Variants in TMEM132D observed in about 807,000 individuals in gnomAD.
TMEM132D encodes mature OL transmembrane protein.
In TMEM132D, 21 loss-of-function variants were observed where a neutral mutation model predicts 62.3. The observed-to-expected ratio is 0.34, with a 90% CI of 0.24 to 0.49. The LOEUF is 0.49. Among genes scored for constraint, TMEM132D ranks in the 20% least tolerant of loss-of-function variants. The pLI, the probability that TMEM132D is intolerant of heterozygous loss-of-function variation, is 0.99. For missense variants in TMEM132D, 1,346 were observed against 1,402.8 expected, an observed-to-expected ratio of 0.96 and a Z score of 0.65; for synonymous variants, 621 against 575.6, an observed-to-expected ratio of 1.08 and a Z score of -1.13.
intron 5 of TMEM132D, among the ~76,000 whole-genome samples, chr12:129,135,682 T>A (rs1211924922): frequency 6.6e-6 from 1 of 151,998 alleles, no homozygotes; most frequent in African/African-American, 2.4e-5. Context: ...GTTGTGAAGG[T>A]CTAGAATTAT....
At position 129,269,106 on chromosome 12, in the gene TMEM132D, A is replaced by C. The variant is rs572057393; in HGVS notation, c.1300-59443T>G. On this transcript the variant is annotated intron_variant, in intron 4 of 8. Transcript: ENST00000422113. The stretch of plus-strand genomic sequence containing the variant: ...AATGGGTGCAGCACACCAACATGGC[A>C]CATGTGTACATATGTAACAGACCTG... Among the ~76,000 whole-genome samples the C allele has an allele frequency of 2.8e-4, 43 of 152,126 alleles. No homozygotes were observed. In the East Asian group the frequency reaches 6.4e-3, roughly 23 times the overall value.
At chr12:129,884,424 A>C (rs1214767549) in intron 1 of TMEM132D, among the ~76,000 whole-genome samples, 1 of 152,226 alleles carries the variant, frequency 6.6e-6, no homozygotes, top group Non-Finnish European at 1.5e-5. Flanking sequence ...AGCCACCCAA[A>C]TTATTTGGCC....
Position 129,197,915 on chromosome 12 carries a change from A to G in TMEM132D, c.1443+11605T>C, listed in dbSNP as rs572092874. Among the ~76,000 whole-genome samples the G allele has an allele frequency of 5.3e-5, 8 of 152,378 alleles. No individual in the cohort carries two copies. The East Asian group carries it at 1.5e-3, about 29-fold the overall frequency. On this transcript the variant is annotated intron_variant, in intron 5 of 8. Coordinates refer to ENST00000422113, the MANE Select transcript of TMEM132D (RefSeq NM_133448.3). ...CAATAAGGGTTAACATCTAAAATAT[A>G]TAAGAAATTCAAACAACTCAATAGT...
intron 2 of TMEM132D, among the ~76,000 whole-genome samples, chr12:129,654,889 T>C (rs910134800): frequency 4.6e-5 from 7 of 152,282 alleles, no homozygotes; most frequent in Admixed American, 3.9e-4. Flanking sequence ...CGAACACATT[T>C]TCATCCAAAA....
At chr12:129,168,257 T>A (rs1877621008) in intron 5 of TMEM132D, among the ~76,000 whole-genome samples, 1 of 152,298 alleles carries the variant, frequency 6.6e-6, no homozygotes, top group Non-Finnish European at 1.5e-5. Flanking sequence ...TGGGATTTTT[T>A]TTTTACCAAC....
intron 3 of TMEM132D, among the ~76,000 whole-genome samples, chr12:129,359,503 T>C (rs754283015): frequency 1.3e-5 from 2 of 152,236 alleles, no homozygotes; most frequent in Non-Finnish European, 2.9e-5. Context: ...AGCTTGTTTA[T>C]GCGCAGTTCC....
At chr12:129,456,251 G>A (rs1362711140) in intron 3 of TMEM132D, among the ~76,000 whole-genome samples, 8 of 152,142 alleles carry the variant, frequency 5.3e-5, no homozygotes, top group African/African-American at 1.7e-4. Flanking sequence ...TCACCAATAA[G>A]AGAGTATATG....
intron 5 of TMEM132D, among the ~76,000 whole-genome samples, chr12:129,089,479 GGGTGTCCTCCATGACC>G (rs770590569): frequency 1.9e-4 from 6 of 31,396 alleles, no homozygotes; most frequent in African/African-American, 4.5e-4. Flanking sequence ...CTCCATGACC[GGGTGTCCTCCATGACC>G]GGGTGTCCTC....
At chr12:129,891,250 AT>A (rs1353843411) in intron 1 of TMEM132D, among the ~76,000 whole-genome samples, 7 of 152,074 alleles carry the variant, frequency 4.6e-5, no homozygotes, top group African/African-American at 1.7e-4. Context: ...GCTGGATGCA[AT>A]TCTGGGTCCT....
intron 1 of TMEM132D, among the ~76,000 whole-genome samples, chr12:129,704,535 A>T (rs1881457659): frequency 6.6e-6 from 1 of 152,200 alleles, no homozygotes; most frequent in Admixed American, 6.5e-5. Context: ...CTGCTCCTGG[A>T]ATGAGTCCAA....
At chr12:129,228,534 A>C (rs1879545411) in intron 4 of TMEM132D, among the ~76,000 whole-genome samples, 1 of 152,112 alleles carries the variant, frequency 6.6e-6, no homozygotes, top group Non-Finnish European at 1.5e-5. Context: ...ACCGTGCTTC[A>C]GCCCTGGCAA....
At chr12:129,770,228 C>G (rs1196862833) in intron 1 of TMEM132D, among the ~76,000 whole-genome samples, 1 of 148,128 alleles carries the variant, frequency 6.8e-6, no homozygotes, top group Non-Finnish European at 1.5e-5. Flanking sequence ...ACTGCAACCT[C>G]TGACTCCTGG....
intron 4 of TMEM132D, among the ~76,000 whole-genome samples, chr12:129,305,437 T>C (rs1031235472): frequency 6.6e-6 from 1 of 152,110 alleles, no homozygotes; most frequent in Non-Finnish European, 1.5e-5. Context: ...CACCTGCAAA[T>C]AGCAAGACAT....
At chr12:129,885,126 G>A (rs1486346100) in intron 1 of TMEM132D, among the ~76,000 whole-genome samples, 5 of 152,148 alleles carry the variant, frequency 3.3e-5, no homozygotes, top group Non-Finnish European at 7.3e-5. Context: ...AAAAAGAGAG[G>A]GGCCCATTAT....
At chr12:129,768,391 G>C (rs151285346) in intron 1 of TMEM132D, among the ~76,000 whole-genome samples, 1 of 151,896 alleles carries the variant, frequency 6.6e-6, no homozygotes, top group Non-Finnish European at 1.5e-5. Flanking sequence ...AGTGGCCATC[G>C]TAATGGGTGT....
intron 2 of TMEM132D, among the ~76,000 whole-genome samples, chr12:129,539,021 A>G (rs1472797690): frequency 3.0e-5 from 4 of 133,158 alleles, no homozygotes; most frequent in Admixed American, 1.6e-4. Context: ...CTCTGCTGCA[A>G]GTGATCCTGG....
chr12:129,768,210 TTTAAA>T (rs1870616795), intron 1 of TMEM132D, among the ~76,000 whole-genome samples: 1 of 152,162 alleles, frequency 6.6e-6, no homozygotes, highest in South Asian at 2.1e-4. Context: ...GAGATTCTGT[TTTAAA>T]TTCTTTTGTA....
At chr12:129,744,040 C>G (rs1390282669) in intron 1 of TMEM132D, among the ~76,000 whole-genome samples, 1 of 152,184 alleles carries the variant, frequency 6.6e-6, no homozygotes, top group African/African-American at 2.4e-5. Flanking sequence ...AGTGTTGCCT[C>G]CCTGCTCAGG....
intron 2 of TMEM132D, among the ~76,000 whole-genome samples, chr12:129,692,888 T>C (rs957518592): frequency 6.6e-6 from 1 of 151,980 alleles, no homozygotes; most frequent in African/African-American, 2.4e-5. Flanking sequence ...AAAGAACTAA[T>C]GCATGCTGGG....
Sources: gnomAD v4.1 joint callset for allele counts (sites outside exome capture counted in the v4.1 genomes callset) on GRCh38, gnomAD v4.1.1 for gene constraint, MANE v1.5 for transcripts, NCBI Gene and HGNC (gene_info 2026-07-23, HGNC 2026-07-21) for gene names.